Variants in SPAG6 observed in about 807,000 individuals in gnomAD.
SPAG6 encodes the protein sperm-associated antigen 6.
SPAG6 carries 49 observed loss-of-function variants against 58.5 expected under a neutral mutation model. The observed-to-expected ratio is 0.84, with a 90% CI of 0.67 to 1.06. The LOEUF (loss-of-function observed/expected upper bound fraction) is 1.06, where lower values mean the gene tolerates loss of function less well. SPAG6 is among the 50% of genes least tolerant of loss of function. The pLI, the probability that SPAG6 is intolerant of heterozygous loss-of-function variation, is 0.00. For synonymous variants in SPAG6, 233 were observed against 225.6 expected (o/e 1.03, Z -0.29); for missense variants, 560 against 611.3 (o/e 0.92, Z 0.89).
At chr10:22,371,328 G>A (rs556803332) in intron 4 of SPAG6, among the ~76,000 whole-genome samples, 5 of 152,022 alleles carry the variant, frequency 3.3e-5, no homozygotes, top group East Asian at 1.9e-4. Flanking sequence ...ATCTCAGCTC[G>A]CTGCAACCTC....
chr10:22,382,370 C>G (rs1339751902), intron 4 of SPAG6, among the ~76,000 whole-genome samples: 1 of 152,014 alleles, frequency 6.6e-6, no homozygotes, highest in East Asian at 1.9e-4. Context: ...AATTATTATT[C>G]ATGAATAAGG....
chr10:22,403,184 G>A (rs187656678), intron 9 of SPAG6, among the ~76,000 whole-genome samples: 7 of 152,038 alleles, frequency 4.6e-5, no homozygotes, highest in Non-Finnish European at 1.5e-5. Flanking sequence ...TGCACAATGT[G>A]CAGGTTAGCT....
intron 2 of SPAG6, among the ~76,000 whole-genome samples, chr10:22,360,284 T>A (rs975902150): frequency 3.6e-4 from 55 of 152,038 alleles, no homozygotes; most frequent in Non-Finnish European, 5.7e-4. Context: ...GGCTATTTTT[T>A]TTTTTAAATT....
chr10:22,385,832 TG>T (rs1409488133), intron 4 of SPAG6, among the ~76,000 whole-genome samples: 2 of 152,162 alleles, frequency 1.3e-5, no homozygotes, highest in Non-Finnish European at 1.5e-5. Flanking sequence ...ACTACACATC[TG>T]GGAAAATAAG....
In SPAG6 at chr10:22,386,811, A is replaced by C. The variant is rs1369917593; in HGVS notation, c.530A>C (p.Gln177Pro). 1.2e-6 allele frequency: 2 copies of C among 1,613,562 alleles called. No homozygotes were observed. The highest frequency in any genetic ancestry group is 1.7e-6 in the Non-Finnish European group (2 of 1,179,680). ...GAVPLLVLCI[Q>P]EPEIALKRIA... ...GTTCCTCTTTTAGTACTCTGTATCC[A>C]GGAGCCAGAAATTGCTTTGAAAAGG... Residue 177 changes from glutamine to proline, a missense_variant, in exon 5 of 11, where the codon CAG (glutamine) becomes CCG (proline). Transcript: ENST00000376624.
At chr10:22,407,358 G>T (rs1834585111) in intron 9 of SPAG6, among the ~76,000 whole-genome samples, 1 of 151,562 alleles carries the variant, frequency 6.6e-6, no homozygotes, top group Non-Finnish European at 1.5e-5. Flanking sequence ...CTCAGCATTT[G>T]CTTGTCTGTA....
chr10:22,411,250 C>T, intron 10 of SPAG6, 74 bp downstream of exon 10: 1 of 1,299,216 alleles, frequency 7.7e-7, no homozygotes, highest in Non-Finnish European at 1.1e-6. Flanking sequence ...GTTTTATATC[C>T]ACTGTGTCAA....
intron 2 of SPAG6, 77 bp from the exon 3 acceptor site, chr10:22,364,774 GTC>G: frequency 1.0e-6 from 1 of 988,806 alleles, no homozygotes; most frequent in Non-Finnish European, 1.5e-6. Context: ...TAATTTTACT[GTC>G]TGCATATATA....
intron 4 of SPAG6, among the ~76,000 whole-genome samples, 171 bp downstream of exon 4, chr10:22,368,849 CA>C (rs140189774): frequency 0.077 from 11,437 of 148,906 alleles, 601 homozygotes; most frequent in Middle Eastern, 0.18. Flanking sequence ...CATATATTCA[CA>C]AAAAAAAACC....
At chr10:22,410,954 A>G in intron 9 of SPAG6, 77 bp from the exon 10 acceptor site, 3 of 1,428,662 alleles carry the variant, frequency 2.1e-6, no homozygotes, top group East Asian at 2.3e-5. Context: ...ATTTTCTCAC[A>G]TACAGTATTG....
intron 9 of SPAG6, among the ~76,000 whole-genome samples, chr10:22,405,687 G>A (rs995314678): frequency 1.3e-5 from 2 of 151,776 alleles, no homozygotes; most frequent in Non-Finnish European, 2.9e-5. Context: ...TTTTTCTATT[G>A]ATTGGAATAG....
intron 2 of SPAG6, among the ~76,000 whole-genome samples, chr10:22,363,619 G>C (rs1837105962): frequency 6.6e-6 from 1 of 152,168 alleles, no homozygotes; most frequent in Non-Finnish European, 1.5e-5. Flanking sequence ...ACCGCTCTCT[G>C]CTTAGGTTAT....
chr10:22,379,591 T>G (rs113921910), intron 4 of SPAG6, among the ~76,000 whole-genome samples: 1 of 152,180 alleles, frequency 6.6e-6, no homozygotes, highest in Non-Finnish European at 1.5e-5. Flanking sequence ...ATATCCTCAA[T>G]TGACTACAGC....
rs151168684 is a variant in SPAG6, at chr10:22,370,010, C to T, written c.472+1332C>T. Among the ~76,000 whole-genome samples, 13 of 152,056 alleles carry T rather than the reference C, an allele frequency of 8.5e-5. No individual in the cohort carries two copies. The East Asian group carries it at 2.5e-3, about 29-fold the overall frequency. On this transcript the variant is annotated intron_variant, in intron 4 of 10. Coordinates refer to ENST00000376624, the MANE Select transcript of SPAG6 (RefSeq NM_012443.4). ...ATTTGTAAACCCCTCAAATATTTGACAGAAATTTAGTGGATAAATTATGGA... is the reference window on the plus strand; with the variant it reads ...ATTTGTAAACCCCTCAAATATTTGATAGAAATTTAGTGGATAAATTATGGA...
chr10:22,395,641 G>C (rs1003270242), intron 8 of SPAG6, among the ~76,000 whole-genome samples: 1 of 152,174 alleles, frequency 6.6e-6, no homozygotes, highest in Non-Finnish European at 1.5e-5. Flanking sequence ...CTTATCAGAT[G>C]TATGATTTAC....
Position 22,417,300 on chromosome 10 carries a change from G to A in SPAG6, c.*612G>A, listed in dbSNP as rs1371519943. 6.6e-6 allele frequency: 1 copy of A among 152,240 alleles called. No individual in the cohort carries two copies. The highest frequency in any genetic ancestry group is 1.5e-5 in the Non-Finnish European group (1 of 68,120). 9.4% of individuals were successfully genotyped at this position (152,240 alleles called of 1,614,324 possible). On this transcript the variant is annotated 3_prime_UTR_variant, in exon 11 of 11. Coordinates refer to ENST00000376624, the MANE Select transcript of SPAG6 (RefSeq NM_012443.4). ...AACCTCCTTCCCCACCCTATCTAAA[G>A]TGTTCCTTACCTTTCATGGGCCCAG...
intron 4 of SPAG6, among the ~76,000 whole-genome samples, chr10:22,385,447 A>G (rs891967490): frequency 6.6e-6 from 1 of 152,168 alleles, no homozygotes; most frequent in African/African-American, 2.4e-5. Context: ...TTCCCATAGT[A>G]TACTAGCTTT....
At chr10:22,375,629 A>C (rs1041569862) in intron 4 of SPAG6, among the ~76,000 whole-genome samples, 1 of 137,354 alleles carries the variant, frequency 7.3e-6, no homozygotes, top group Non-Finnish European at 1.5e-5. Flanking sequence ...CTCGTTGCCC[A>C]TGTTGGAGTG....
intron 8 of SPAG6, 65 bp from the exon 9 acceptor site, chr10:22,401,095 AT>A (rs1834401050): frequency 1.3e-6 from 1 of 752,862 alleles, no homozygotes; most frequent in Non-Finnish European, 2.3e-6. Context: ...GGAATGTCAG[AT>A]TTGAATTCTT....
Sources: allele counts gnomAD v4.1 joint callset (sites outside exome capture counted in the v4.1 genomes callset), GRCh38; gene constraint gnomAD v4.1.1; transcripts MANE v1.5; gene names NCBI Gene and HGNC (gene_info 2026-07-23, HGNC 2026-07-21).